The following APBB2 variants were observed in gnomAD, a reference collection of about 807,000 sequenced individuals.
The protein encoded by APBB2 is Fe65-like 1.
In APBB2, 38 loss-of-function variants were observed where a neutral mutation model predicts 82.5. The ratio of observed to expected loss-of-function variants is 0.46; its 90% CI spans 0.36 to 0.60. The LOEUF (loss-of-function observed/expected upper bound fraction) is 0.60. Ranked by LOEUF, APBB2 falls within the 20% of genes least tolerant of loss-of-function variation. APBB2 has a pLI of 0.00. For missense variants in APBB2, 772 were observed against 972.3 expected, an observed-to-expected ratio of 0.79 and a Z score of 2.74; for synonymous variants, 341 against 368.2, an observed-to-expected ratio of 0.93 and a Z score of 0.85.
chr4:41,115,421 T>C (rs1227169247), intron 2 of APBB2, among the ~76,000 whole-genome samples: 5 of 152,164 alleles, frequency 3.3e-5, no homozygotes, highest in Non-Finnish European at 7.4e-5. Context: ...GGCAAAGACT[T>C]CATGACTAAA....
intron 10 of APBB2, 102 bp from the exon 11 acceptor site, chr4:40,893,513 G>T: frequency 1.8e-6 from 2 of 1,106,156 alleles, no homozygotes; most frequent in Non-Finnish European, 2.5e-6. Flanking sequence ...TACACTTAAT[G>T]CACCTTTATT....
chr4:40,950,671 C>A (rs944655801), intron 6 of APBB2, among the ~76,000 whole-genome samples: 5 of 152,028 alleles, frequency 3.3e-5, no homozygotes, highest in Admixed American at 2.0e-4. Flanking sequence ...CATGGTGAAA[C>A]CCCGTCTCTA....
In APBB2 at chr4:40,864,128, C is replaced by T. The variant is rs540289237; in HGVS notation, c.1529+26236G>A. ...AAATATTAGCTGGGTGTGGTGGCGC[C>T]GAGTAATCTCAGCTACTTGGGAGGC... On this transcript the variant is annotated intron_variant, in intron 12 of 17. Transcript: ENST00000508593. Among the ~76,000 whole-genome samples the T allele has an allele frequency of 2.6e-5, 4 of 152,030 alleles. No individual in the cohort carries two copies. The South Asian group carries it at 8.3e-4, about 32-fold the overall frequency.
intron 6 of APBB2, among the ~76,000 whole-genome samples, chr4:41,007,701 T>C (rs1807147171): frequency 6.6e-6 from 1 of 152,208 alleles, no homozygotes; most frequent in African/African-American, 2.4e-5. Context: ...TACAAGCATA[T>C]TGATGTAGCA....
At chr4:41,093,219 C>T (rs2585581) in intron 3 of APBB2, among the ~76,000 whole-genome samples, 28,554 of 152,184 alleles carry the variant, frequency 0.19, 3,764 homozygotes, top group East Asian at 0.57. Context: ...CTATTTTACT[C>T]AGGCACACAG....
intron 2 of APBB2, among the ~76,000 whole-genome samples, chr4:41,101,463 T>C (rs2153969189): frequency 1.2e-5 from 1 of 86,528 alleles, no homozygotes. Flanking sequence ...AGAGCGAGAC[T>C]CCGTCTCAAA....
At chr4:41,024,151 C>T (rs1179429066) in intron 5 of APBB2, among the ~76,000 whole-genome samples, 3 of 152,136 alleles carry the variant, frequency 2.0e-5, no homozygotes, top group African/African-American at 7.2e-5. Flanking sequence ...TGAAGCTGGA[C>T]CCTTTCCTTA....
At chr4:41,106,050 C>T (rs1747117553) in intron 2 of APBB2, among the ~76,000 whole-genome samples, 1 of 152,058 alleles carries the variant, frequency 6.6e-6, no homozygotes, top group Admixed American at 6.6e-5. Context: ...TCTGAAAATA[C>T]AGAGCAGTTA....
At chr4:41,093,043 A>G (rs1742318963) in intron 3 of APBB2, among the ~76,000 whole-genome samples, 1 of 152,148 alleles carries the variant, frequency 6.6e-6, no homozygotes, top group African/African-American at 2.4e-5. Context: ...TTCCAGTAAC[A>G]TCAGCAGAAA....
At chr4:40,992,042 A>C (rs983713750) in intron 6 of APBB2, among the ~76,000 whole-genome samples, 7 of 152,176 alleles carry the variant, frequency 4.6e-5, no homozygotes, top group Admixed American at 1.3e-4. Context: ...ATTAAGAGTG[A>C]AAACTGTTAA....
chr4:40,936,711 T>G (rs1274225392), intron 7 of APBB2, among the ~76,000 whole-genome samples: 3 of 152,248 alleles, frequency 2.0e-5, no homozygotes, highest in Non-Finnish European at 2.9e-5. Context: ...CTTAGACCAC[T>G]ATATTTACTT....
At chr4:41,097,703 T>C (rs926932833) in intron 3 of APBB2, among the ~76,000 whole-genome samples, 4 of 152,340 alleles carry the variant, frequency 2.6e-5, no homozygotes, top group Admixed American at 2.6e-4. Flanking sequence ...GGTACGGTTA[T>C]ATTTTATCAC....
At chr4:40,856,558 ATACTGGAT>A (rs1761248110) in intron 12 of APBB2, among the ~76,000 whole-genome samples, 1 of 152,226 alleles carries the variant, frequency 6.6e-6, no homozygotes, top group African/African-American at 2.4e-5. Flanking sequence ...TTTAATCCAA[ATACTGGAT>A]TACCAAAACC....
At chr4:40,876,013 G>C (rs1766814215) in intron 12 of APBB2, among the ~76,000 whole-genome samples, 2 of 152,280 alleles carry the variant, frequency 1.3e-5, no homozygotes, top group African/African-American at 4.8e-5. Flanking sequence ...ATTCTTCCTG[G>C]CTTGAGGTTT....
At chr4:40,877,457 T>G (rs1289707629) in intron 12 of APBB2, among the ~76,000 whole-genome samples, 1 of 152,140 alleles carries the variant, frequency 6.6e-6, no homozygotes, top group East Asian at 1.9e-4. Flanking sequence ...CAGGTCTGTA[T>G]AAAGGCAGGT....
At position 40,825,164 on chromosome 4, in the gene APBB2, A is replaced by G. The variant is rs760709943; in HGVS notation, c.1816+723T>C. 5.2e-4 allele frequency among the ~76,000 whole-genome samples: 79 copies of G among 152,206 alleles called. 1 individual carries two copies. The highest frequency in any genetic ancestry group is 1.1e-3 in the Non-Finnish European group (72 of 68,042). On this transcript the variant is annotated intron_variant, in intron 15 of 17. Coordinates refer to ENST00000508593, the MANE Select transcript of APBB2 (RefSeq NM_004307.2). ...TTTCGCTTTTTGACTCTCATCAATA[A>G]TTCTGCTGTGAACATTTGCATACAC...
chr4:41,107,485 C>T (rs892521358), intron 2 of APBB2, among the ~76,000 whole-genome samples: 1 of 152,186 alleles, frequency 6.6e-6, no homozygotes, highest in Non-Finnish European at 1.5e-5. Flanking sequence ...CCAATGCAAT[C>T]ACTGATTCAG....
chr4:40,898,439 C>CT (rs146921160), intron 10 of APBB2, among the ~76,000 whole-genome samples: 15,012 of 151,906 alleles, frequency 0.099, 1,062 homozygotes, highest in Non-Finnish European at 0.15. Context: ...AATTTTTTGT[C>CT]TTTTTAGTAG....
At chr4:40,846,241 T>C (rs1481443482) in intron 12 of APBB2, among the ~76,000 whole-genome samples, 1 of 146,748 alleles carries the variant, frequency 6.8e-6, no homozygotes. Context: ...CCAATCACTA[T>C]GTGAGAGAGG....
Sources: allele counts gnomAD v4.1 joint callset (sites outside exome capture counted in the v4.1 genomes callset), GRCh38; gene constraint gnomAD v4.1.1; transcripts MANE v1.5; gene names NCBI Gene and HGNC (gene_info 2026-07-23, HGNC 2026-07-21).